The following ANKS1B variants were observed in gnomAD, a reference collection of about 807,000 sequenced individuals.
ANKS1B encodes the protein ankyrin repeat and sterile alpha motif domain-containing protein 1B.
A neutral mutation model predicts 148.3 loss-of-function variants in ANKS1B; 36 were observed. The observed-to-expected ratio is 0.24, with a 90% CI of 0.19 to 0.32. ANKS1B has a LOEUF of 0.32. ANKS1B is among the 10% of genes least tolerant of loss of function. The pLI, the probability that ANKS1B is intolerant of heterozygous loss-of-function variation, is 1.00. For missense variants in ANKS1B, 1,157 were observed against 1,542.6 expected, an observed-to-expected ratio of 0.75 and a Z score of 4.19; for synonymous variants, 542 against 560.8, an observed-to-expected ratio of 0.97 and a Z score of 0.47.
chr12:99,414,350 A>C (rs2048490), intron 11 of ANKS1B, among the ~76,000 whole-genome samples: 62,768 of 151,866 alleles, frequency 0.41, 13,490 homozygotes, highest in African/African-American at 0.52. Context: ...CTTCTTAGAC[A>C]TCACTAGTAA....
chr12:99,017,276 T>C (rs1176322106), intron 17 of ANKS1B, among the ~76,000 whole-genome samples: 1 of 152,136 alleles, frequency 6.6e-6, no homozygotes, highest in African/African-American at 2.4e-5. Context: ...AAAACAAAGA[T>C]GATAATAGCC....
chr12:99,408,906 G>A (rs1367526999), intron 11 of ANKS1B, among the ~76,000 whole-genome samples: 2 of 115,034 alleles, frequency 1.7e-5, no homozygotes, highest in East Asian at 3.9e-4. Context: ...TGGTGGGAAT[G>A]TAAATTACTA....
At chr12:99,348,391 A>T (rs1486554380) in intron 12 of ANKS1B, among the ~76,000 whole-genome samples, 1 of 151,840 alleles carries the variant, frequency 6.6e-6, no homozygotes, top group Admixed American at 6.6e-5. Flanking sequence ...ACAAAAAAAT[A>T]AAAAAACTAG....
At chr12:99,509,120 T>C (rs2096739220) in intron 9 of ANKS1B, among the ~76,000 whole-genome samples, 1 of 151,778 alleles carries the variant, frequency 6.6e-6, no homozygotes, top group Non-Finnish European at 1.5e-5. Flanking sequence ...TGCATAAGTG[T>C]AGTATGTGTT....
At chr12:99,658,361 C>T (rs938346707) in intron 8 of ANKS1B, among the ~76,000 whole-genome samples, 7 of 152,144 alleles carry the variant, frequency 4.6e-5, no homozygotes, top group Non-Finnish European at 8.8e-5. Context: ...GTGCCTGACA[C>T]ATACAGCTTC....
At chr12:98,893,532 G>T (rs900120062) in intron 17 of ANKS1B, 1 of 152,196 alleles carries the variant, frequency 6.6e-6, no homozygotes, top group African/African-American at 2.4e-5. Flanking sequence ...AAAGTCTTAG[G>T]TTGTACCTAA....
At chr12:99,812,544 CACACACACACACACAGAG>C (rs1191427301) in intron 2 of ANKS1B, among the ~76,000 whole-genome samples, 8 of 95,220 alleles carry the variant, frequency 8.4e-5, no homozygotes, top group African/African-American at 2.3e-4. Flanking sequence ...CACACACACA[CACACACACACACACAGAG>C]AGAGAGAGAG....
At chr12:99,707,209 T>TG (rs1208305393) in intron 8 of ANKS1B, among the ~76,000 whole-genome samples, 2 of 152,092 alleles carry the variant, frequency 1.3e-5, no homozygotes, top group Non-Finnish European at 2.9e-5. Context: ...GAATTCTGAC[T>TG]GATTGCCCAA....
Position 99,405,548 on chromosome 12 carries a change from TA to T in ANKS1B, c.1576-5738del, listed in dbSNP as rs1455183691. On this transcript the variant is annotated intron_variant, in intron 11 of 26. Coordinates refer to ENST00000683438, the MANE Select transcript of ANKS1B (RefSeq NM_001352186.2). Reference sequence around the variant, plus strand: ...AATTAAAAATCCTACAATAGATACATAAGAAATAAAACAAGAAATTAAAACA... The same window carrying T: ...AATTAAAAATCCTACAATAGATACATAGAAATAAAACAAGAAATTAAAACA... Among the ~76,000 whole-genome samples the T allele has an allele frequency of 1.4e-5, 2 of 144,320 alleles. 1 individual carries two copies. Among genetic ancestry groups the T allele is most frequent in the African/African-American group, 5.3e-5 (2 of 38,040 alleles). The allele number at this position is 144,320 out of a possible 152,430, so 94.7% of individuals were successfully genotyped here. A position where few individuals can be genotyped will look rare whatever the true frequency, so the allele number is the denominator to read the frequency against.
intron 15 of ANKS1B, among the ~76,000 whole-genome samples, chr12:99,141,015 C>T (rs531160914): frequency 6.6e-6 from 1 of 152,290 alleles, no homozygotes; most frequent in East Asian, 1.9e-4. Flanking sequence ...GTCTTCCCTC[C>T]TGTTATCACA....
At chr12:99,497,283 C>T (rs936864655) in intron 10 of ANKS1B, among the ~76,000 whole-genome samples, 1 of 152,162 alleles carries the variant, frequency 6.6e-6, no homozygotes, top group Non-Finnish European at 1.5e-5. Flanking sequence ...CAAGTCTGTA[C>T]ATGTTCAGCA....
intron 10 of ANKS1B, among the ~76,000 whole-genome samples, chr12:99,463,378 T>C (rs561385055): frequency 1.3e-5 from 2 of 152,130 alleles, no homozygotes; most frequent in African/African-American, 4.8e-5. Context: ...AGACGGGTGA[T>C]TTCTGCATTT....
intron 9 of ANKS1B, among the ~76,000 whole-genome samples, chr12:99,520,581 T>A (rs2096865359): frequency 6.6e-6 from 1 of 152,202 alleles, no homozygotes; most frequent in Admixed American, 6.5e-5. Context: ...TTGCATTCTA[T>A]AATCTTCTTG....
intron 12 of ANKS1B, among the ~76,000 whole-genome samples, chr12:99,315,248 A>AC: frequency 6.6e-6 from 1 of 152,032 alleles, no homozygotes; most frequent in African/African-American, 2.4e-5. Context: ...CAAAAAAAAA[A>AC]AAAACAAAAA....
chr12:99,548,190 C>T (rs182358803), intron 9 of ANKS1B, among the ~76,000 whole-genome samples: 34 of 152,246 alleles, frequency 2.2e-4, no homozygotes, highest in Non-Finnish European at 4.3e-4. Context: ...AATAGCATAT[C>T]ATCAGAATTC....
chr12:99,752,435 T>A (rs1601425426), intron 8 of ANKS1B, among the ~76,000 whole-genome samples: 1 of 151,998 alleles, frequency 6.6e-6, no homozygotes, highest in Non-Finnish European at 1.5e-5. Flanking sequence ...GTCGTTTTTT[T>A]TGTCTGCCAT....
chr12:99,562,035 T>C lies in ANKS1B; in HGVS notation c.1273-57394A>G, dbSNP rs776585503. 5.3e-4 allele frequency among the ~76,000 whole-genome samples: 81 copies of C among 152,362 alleles called. 1 individual carries two copies. Among genetic ancestry groups the C allele is most frequent in the South Asian group, 1.9e-3 (9 of 4,832 alleles). On this transcript the variant is annotated intron_variant, in intron 9 of 26. Coordinates refer to ENST00000683438, the MANE Select transcript of ANKS1B (RefSeq NM_001352186.2). The stretch of plus-strand genomic sequence containing the variant: ...CCACGGGCTTGCAGAATAGATGCTG[T>C]GTTCGCACACATAAAAACAACACTA...
At chr12:99,274,152 T>C (rs1245151513) in intron 12 of ANKS1B, among the ~76,000 whole-genome samples, 1 of 152,160 alleles carries the variant, frequency 6.6e-6, no homozygotes, top group African/African-American at 2.4e-5. Context: ...TTTGTAAGCA[T>C]ACCCAGGGAT....
intron 12 of ANKS1B, among the ~76,000 whole-genome samples, chr12:99,383,963 A>C (rs1176809010): frequency 6.6e-6 from 1 of 151,896 alleles, no homozygotes; most frequent in Admixed American, 6.6e-5. Flanking sequence ...CTGGAAGTGT[A>C]GGCTGCAGTG....
Sources: allele counts gnomAD v4.1 joint callset (sites outside exome capture counted in the v4.1 genomes callset), GRCh38; gene constraint gnomAD v4.1.1; transcripts MANE v1.5; gene names NCBI Gene and HGNC (gene_info 2026-07-23, HGNC 2026-07-21).